AK9: variants seen among roughly 807,000 people sequenced by gnomAD.
The protein encoded by AK9 is adenylate kinase domain containing 1.
AK9 carries 191 observed loss-of-function variants against 239.6 expected under a neutral mutation model. The ratio of observed to expected loss-of-function variants is 0.80; its 90% CI spans 0.71 to 0.90. The LOEUF is 0.90. Ranked by LOEUF, AK9 falls within the 40% of genes least tolerant of loss-of-function variation. The pLI is 0.00. For synonymous variants in AK9, 689 were observed against 721.0 expected (o/e 0.96, Z 0.71); for missense variants, 1,995 against 2,214.7 (o/e 0.90, Z 1.99).
chr6:109,549,657 A>ATTTTT lies in AK9; in HGVS notation c.2964+432_2964+433insAAAAA, dbSNP rs1491473032. On this transcript the variant is annotated intron_variant, in intron 25 of 40. Transcript: ENST00000424296. ...CCAAAAAGTTGTTCTTTGAACTTAGATATTTTCTTTTTTTTTTTTTTTTTT... is the reference window on the plus strand; with the variant it reads ...CCAAAAAGTTGTTCTTTGAACTTAGATTTTTTATTTTCTTTTTTTTTTTTTTTTTT... 3.6e-4 allele frequency: 44 copies of ATTTTT among 122,384 alleles called. 1 individual carries two copies. The highest frequency in any genetic ancestry group is 4.7e-4 in the Non-Finnish European group (27 of 57,374). The allele number at this position is 122,384 out of a possible 1,614,324, so 7.6% of individuals were successfully genotyped here.
intron 32 of AK9, among the ~76,000 whole-genome samples, chr6:109,511,308 C>T (rs1432015826): frequency 6.6e-6 from 1 of 152,064 alleles, no homozygotes; most frequent in African/African-American, 2.4e-5. Context: ...AGTTAATCCT[C>T]TAGGAAATAA....
In AK9 at chr6:109,538,775, C is replaced by G. The variant is rs539284541; in HGVS notation, c.3350+3272G>C. ...TCCTTTCCATGTTTAGTGCTTCCTT[C>G]AGGAGCTCTTGTAGGGCAGGCCTGG... On this transcript the variant is annotated intron_variant, in intron 27 of 40. Coordinates refer to ENST00000424296, the MANE Select transcript of AK9 (RefSeq NM_001145128.3). 2.8e-4 allele frequency among the ~76,000 whole-genome samples: 42 copies of G among 152,272 alleles called. No individual in the cohort carries two copies. The South Asian group carries it at 8.5e-3, about 31-fold the overall frequency.
In AK9 at chr6:109,638,009, G is replaced by A. The variant is rs183783294; in HGVS notation, c.933+3509C>T. 7.9e-5 allele frequency among the ~76,000 whole-genome samples: 12 copies of A among 152,300 alleles called. No homozygotes were observed. The South Asian group carries it at 1.7e-3, about 21-fold the overall frequency. On this transcript the variant is annotated intron_variant, in intron 10 of 40. Transcript: ENST00000424296. ...AGCTTCCCAGGTGATTCTTTTGGAGGTGGTCTGGACTGCCAGGTAGAAATG... is the reference window on the plus strand; with the variant it reads ...AGCTTCCCAGGTGATTCTTTTGGAGATGGTCTGGACTGCCAGGTAGAAATG...
intron 1 of AK9, among the ~76,000 whole-genome samples, chr6:109,681,324 C>T (rs1007578127): frequency 3.3e-5 from 5 of 152,072 alleles, no homozygotes; most frequent in Non-Finnish European, 7.4e-5. Flanking sequence ...GATTTGAAAC[C>T]AACAAAGATC....
chr6:109,575,715 G>A (rs1403686779), intron 20 of AK9, among the ~76,000 whole-genome samples: 1 of 151,596 alleles, frequency 6.6e-6, no homozygotes, highest in Admixed American at 6.6e-5. Flanking sequence ...TTGTTTTTGG[G>A]TTCTTGGGCA....
Position 109,691,198 on chromosome 6 carries a change from C to T in AK9, c.-63G>A. On this transcript the variant is annotated 5_prime_UTR_variant, in exon 1 of 41. Transcript: ENST00000424296. ...CTCGGCAGCACGCAGGTCCCGGGAG[C>T]CTCTACCCGACCTCTCTATGATACG... The T allele has an allele frequency of 1.7e-6, 1 of 586,888 alleles. No individual in the cohort carries two copies. Among genetic ancestry groups the T allele is most frequent in the Non-Finnish European group, 3.1e-6 (1 of 327,334 alleles). The allele number at this position is 586,888 out of a possible 1,614,324, so 36.4% of individuals were successfully genotyped here.
At chr6:109,521,418 T>C (rs947075516) in intron 29 of AK9, among the ~76,000 whole-genome samples, 121 of 151,118 alleles carry the variant, frequency 8.0e-4, no homozygotes, top group Non-Finnish European at 3.3e-4. Flanking sequence ...ATCTCTGTTT[T>C]ATTGAGCTGT....
chr6:109,559,628 T>A (rs1785487131), intron 24 of AK9, among the ~76,000 whole-genome samples: 1 of 152,232 alleles, frequency 6.6e-6, no homozygotes, highest in Non-Finnish European at 1.5e-5. Context: ...AATTTCTGAT[T>A]GTCTATTGCT....
chr6:109,554,676 C>T lies in AK9; in HGVS notation c.2752-4374G>A, dbSNP rs192301899. On this transcript the variant is annotated intron_variant, in intron 24 of 40. Transcript: ENST00000424296. ...CCTCTCGAGTAGCTGGGATTACAGACGTGCACCACCATGCCCAGATAATTT... is the reference window on the plus strand; with the variant it reads ...CCTCTCGAGTAGCTGGGATTACAGATGTGCACCACCATGCCCAGATAATTT... Among the ~76,000 whole-genome samples, 118 of 151,960 alleles carry T rather than the reference C, an allele frequency of 7.8e-4. 1 individual carries two copies. The highest frequency in any genetic ancestry group is 1.3e-3 in the Non-Finnish European group (91 of 67,930).
At chr6:109,517,538 T>C (rs1779398386) in intron 29 of AK9, among the ~76,000 whole-genome samples, 1 of 152,136 alleles carries the variant, frequency 6.6e-6, no homozygotes, top group South Asian at 2.1e-4. Context: ...AAAATAAGAA[T>C]AATAAAAGTA....
chr6:109,635,746 T>C (rs1796636703), intron 10 of AK9, among the ~76,000 whole-genome samples: 1 of 152,236 alleles, frequency 6.6e-6, no homozygotes, highest in Non-Finnish European at 1.5e-5. Flanking sequence ...CTGTTGTGAT[T>C]GGGTGAATGC....
At chr6:109,620,298 C>T (rs1010549678) in intron 12 of AK9, among the ~76,000 whole-genome samples, 6 of 152,118 alleles carry the variant, frequency 3.9e-5, no homozygotes, top group African/African-American at 9.7e-5. Context: ...TTAGTTTCCT[C>T]GCATCCTCAC....
At chr6:109,670,269 T>C (rs1801875728) in intron 5 of AK9, among the ~76,000 whole-genome samples, 1 of 152,228 alleles carries the variant, frequency 6.6e-6, no homozygotes, top group Admixed American at 6.5e-5. Context: ...TATCAAGGAA[T>C]AACAATTAAT....
chr6:109,508,563 T>C (rs1778352068), intron 33 of AK9, among the ~76,000 whole-genome samples: 1 of 151,808 alleles, frequency 6.6e-6, no homozygotes, highest in Non-Finnish European at 1.5e-5. Context: ...AAGAGGCTTC[T>C]AATAGAAAAC....
chr6:109,600,047 T>C (rs943897140), intron 17 of AK9, among the ~76,000 whole-genome samples: 6 of 152,224 alleles, frequency 3.9e-5, no homozygotes, highest in Non-Finnish European at 8.8e-5. Context: ...ATTTCCTCTT[T>C]TCCTAATTGA....
chr6:109,612,064 A>G lies in AK9; in HGVS notation c.1639T>C (p.Phe547Leu), dbSNP rs1044791805. The G allele has an allele frequency of 5.2e-6, 8 of 1,541,350 alleles. No individual in the cohort carries two copies. The highest frequency in any genetic ancestry group is 2.5e-5 in the East Asian group (1 of 40,682). ...DGKETGETFTFKRHSQDASQD... is the reference protein window; with the variant it reads ...DGKETGETFTLKRHSQDASQD... ...CTAGCATCTTGAGAATGCCTTTTAA[A>G]TGTGAATGTTTCACCAGTTTCTTTT... is the stretch of plus-strand genomic sequence containing the variant. The change falls in exon 16 of 41, where the codon TTT becomes CTT. Residue 547 changes from phenylalanine to leucine, a missense_variant. Physicochemically the swap from Phe to Leu is conservative, Grantham distance 22. Coordinates refer to ENST00000424296, the MANE Select transcript of AK9 (RefSeq NM_001145128.3).
chr6:109,687,123 G>C (rs1773621472), intron 1 of AK9, among the ~76,000 whole-genome samples: 2 of 152,176 alleles, frequency 1.3e-5, no homozygotes. Context: ...CCTCTCACAA[G>C]TGGCCCTGAA....
intron 5 of AK9, among the ~76,000 whole-genome samples, chr6:109,665,248 G>A (rs1231960542): frequency 6.6e-6 from 1 of 152,192 alleles, no homozygotes; most frequent in Admixed American, 6.5e-5. Flanking sequence ...TTAGATATAT[G>A]AACTGTAGGT....
At chr6:109,543,813 A>C (rs1011400202) in intron 26 of AK9, among the ~76,000 whole-genome samples, 1 of 152,028 alleles carries the variant, frequency 6.6e-6, no homozygotes, top group Non-Finnish European at 1.5e-5. Flanking sequence ...ATAGCTGAAA[A>C]ACATTTAAAG....
Sources: allele counts gnomAD v4.1 joint callset (sites outside exome capture counted in the v4.1 genomes callset), GRCh38; gene constraint gnomAD v4.1.1; transcripts MANE v1.5; gene names NCBI Gene and HGNC (gene_info 2026-07-23, HGNC 2026-07-21).